Variants in RAB11FIP5 observed in about 807,000 individuals in gnomAD.
The protein encoded by RAB11FIP5 is RAB11 family interacting protein 5.
A neutral mutation model predicts 85.1 loss-of-function variants in RAB11FIP5; 48 were observed. The observed-to-expected ratio is 0.56, with a 90% CI of 0.45 to 0.72. The LOEUF (loss-of-function observed/expected upper bound fraction) is 0.72. RAB11FIP5 is among the 30% of genes least tolerant of loss of function. The pLI, the probability that RAB11FIP5 is intolerant of heterozygous loss-of-function variation, is 0.00. For missense variants in RAB11FIP5, 1,491 were observed against 1,687.0 expected, an observed-to-expected ratio of 0.88 and a Z score of 2.04; for synonymous variants, 729 against 727.3, an observed-to-expected ratio of 1.00 and a Z score of -0.04.
intron 1 of RAB11FIP5, among the ~76,000 whole-genome samples, chr2:73,091,190 T>C (rs1019635094): frequency 3.9e-5 from 6 of 152,138 alleles, no homozygotes; most frequent in Admixed American, 2.0e-4. Context: ...CGCAATGAAC[T>C]AAGACAGACA....
chr2:73,101,823 C>T (rs1684435976), intron 1 of RAB11FIP5, among the ~76,000 whole-genome samples: 10 of 152,214 alleles, frequency 6.6e-5, no homozygotes, highest in Admixed American at 6.5e-4. Context: ...CCCACCACCC[C>T]TTAAAGGCAC....
chr2:73,077,798 A>G (rs975240063), intron 4 of RAB11FIP5, among the ~76,000 whole-genome samples: 3 of 152,210 alleles, frequency 2.0e-5, no homozygotes, highest in Non-Finnish European at 4.4e-5. Context: ...TACATAAACT[A>G]TAACATAAAC....
rs923096116 is a variant in RAB11FIP5, at chr2:73,080,474, T to TCTC, written c.2755_2757dup (p.Glu919dup). 2.0e-5 allele frequency: 25 copies of TCTC among 1,230,628 alleles called. No homozygotes were observed. The highest frequency in any genetic ancestry group is 1.7e-4 in the Admixed American group (4 of 23,712). The allele number at this position is 1,230,628 out of a possible 1,614,324, so 76.2% of individuals were successfully genotyped here. On this transcript the variant is annotated inframe_insertion, in exon 4 of 6. Transcript: ENST00000486777. ...CTGTTACTCAGCCCCACTGCGGCCT[T>TCTC]CTCCTCCTCCTCCTCCTGGGATCTT...
At chr2:73,091,426 C>T (rs115491478) in intron 1 of RAB11FIP5, among the ~76,000 whole-genome samples, 1,905 of 152,146 alleles carry the variant, frequency 0.013, 27 homozygotes, top group African/African-American at 0.042. Context: ...GGCTCAAAGT[C>T]CCTTGGTGAC....
rs1683987066 is a variant in RAB11FIP5, at chr2:73,081,626, C to T, written c.1606G>A (p.Ala536Thr). The T allele has an allele frequency of 1.6e-6, 2 of 1,228,372 alleles. No homozygotes were observed. The highest frequency in any genetic ancestry group is 2.0e-6 in the Non-Finnish European group (2 of 984,540). 76.1% of individuals were successfully genotyped at this position (1,228,372 alleles called of 1,614,324 possible). ...GAGCAGGGGAGGTGGTGAGGAAGAG[C>T]AGCTGGGTCAGATTCTACCTGAGGA... ...VSPQVESDPA[A>T]LPHHLPCSPW... The change falls in exon 4 of 6, where the codon GCT becomes ACT. Residue 536 changes from alanine to threonine, a missense_variant. Physicochemically the swap from Ala to Thr is moderately conservative, Grantham distance 58. Around this residue, in one of 3 missense-constraint regions of RAB11FIP5, gnomAD observed 1,211 missense variants for 1,338.0 expected, o/e 0.91. Transcript: ENST00000486777. The surrounding 1 kb of genome is among the most constrained non-coding windows in gnomAD (Gnocchi z 4.2).
chr2:73,090,399 C>G (rs1322036376), intron 1 of RAB11FIP5, among the ~76,000 whole-genome samples: 2 of 152,222 alleles, frequency 1.3e-5, no homozygotes, highest in African/African-American at 4.8e-5. Flanking sequence ...CTTCTTGGTA[C>G]TTTGCCTACT....
In RAB11FIP5 at chr2:73,088,853, A is replaced by G. The variant is rs532749328; in HGVS notation, c.868+26T>C. On this transcript the variant is annotated intron_variant, in intron 2 of 5. Transcript: ENST00000486777. ...GGGGAGAGCCAGTGCCCCCCTCCCC[A>G]GGGCGGCGGCCCTGTGCTTGCTCAC... 1.2e-4 allele frequency: 179 copies of G among 1,543,678 alleles called. 1 individual carries two copies. The South Asian group carries it at 2.2e-3, about 19-fold the overall frequency.
rs1158216745 is a variant in RAB11FIP5 at position 73,080,860 on chromosome 2, G to A, written c.2372C>T (p.Ser791Phe). Reference sequence around the variant, plus strand: ...CTCCCACACACTGATCACTTCTGGGGAGCTAAATAGAGATGTCCCACTGTC... The same window carrying A: ...CTCCCACACACTGATCACTTCTGGGAAGCTAAATAGAGATGTCCCACTGTC... ...PADSGTSLFS[S>F]PEVISVWERL... Residue 791 changes from serine to phenylalanine, a missense_variant, in exon 4 of 6, where the codon TCC (serine) becomes TTC (phenylalanine). Around this residue, in one of 3 missense-constraint regions of RAB11FIP5, gnomAD observed 1,211 missense variants for 1,338.0 expected, o/e 0.91. Coordinates refer to ENST00000486777, the MANE Select transcript of RAB11FIP5 (RefSeq NM_001371272.1). 2.4e-6 allele frequency: 3 copies of A among 1,232,238 alleles called. No homozygotes were observed. The highest frequency in any genetic ancestry group is 6.3e-5 in the East Asian group (2 of 31,714). 76.3% of individuals were successfully genotyped at this position (1,232,238 alleles called of 1,614,324 possible). A position where few individuals can be genotyped will look rare whatever the true frequency, so the allele number is the denominator to read the frequency against.
chr2:73,101,967 A>G (rs974843544), intron 1 of RAB11FIP5, among the ~76,000 whole-genome samples: 2 of 152,222 alleles, frequency 1.3e-5, no homozygotes, highest in Non-Finnish European at 2.9e-5. Flanking sequence ...TGGAGAAGAC[A>G]GCCACATAGC....
rs1474924971 is a variant in RAB11FIP5, at chr2:73,088,534, G to A, written c.1084C>T (p.Leu362Phe). The change falls in exon 3 of 6, where the codon CTT (leucine) becomes TTT (phenylalanine). Residue 362 changes from leucine to phenylalanine, a missense_variant. Leu to Phe is a conservative substitution (Grantham distance 22, BLOSUM62 0). Around this residue, in one of 3 missense-constraint regions of RAB11FIP5, gnomAD observed 1,211 missense variants for 1,338.0 expected, o/e 0.91. Coordinates refer to ENST00000486777, the MANE Select transcript of RAB11FIP5 (RefSeq NM_001371272.1). ...GCTTGCAAGGAGCCAGAGGATGGAA[G>A]CGAGCCCGAGATGGAGCTGCGGTGC... ...VRHRSSISGS[L>F]PSSGSLQAVS... The A allele has an allele frequency of 6.2e-7, 1 of 1,613,850 alleles. No homozygotes were observed. Among genetic ancestry groups the A allele is most frequent in the Non-Finnish European group, 8.5e-7 (1 of 1,180,060 alleles).
chr2:73,083,251 A>G (rs1039438369), intron 3 of RAB11FIP5, among the ~76,000 whole-genome samples: 3 of 152,168 alleles, frequency 2.0e-5, no homozygotes, highest in African/African-American at 7.2e-5. Flanking sequence ...CAGGGCCCAA[A>G]GAGGGCAGAC....
At position 73,078,741 on chromosome 2, in the gene RAB11FIP5, C is replaced by A. The variant is rs1489267405; in HGVS notation, c.3581+910G>T. 6.6e-6 allele frequency among the ~76,000 whole-genome samples: 1 copy of A among 152,184 alleles called. No individual in the cohort carries two copies. Among genetic ancestry groups the A allele is most frequent in the Non-Finnish European group, 1.5e-5 (1 of 68,018 alleles). ...GTCGGGAGGCCAGTGCTGGAGCCTG[C>A]CCTGCTCTCCCCTCCCTTCACTCGG... is the stretch of plus-strand genomic sequence containing the variant. On this transcript the variant is annotated intron_variant, in intron 4 of 5. Coordinates refer to ENST00000486777, the MANE Select transcript of RAB11FIP5 (RefSeq NM_001371272.1). This position sits in a 1 kb window ranked among gnomAD's most constrained non-coding sequence, Gnocchi z 4.4.
chr2:73,088,892 C>G lies in RAB11FIP5; in HGVS notation c.855G>C (p.Leu285=). 1 of 1,578,334 alleles carries G rather than the reference C, an allele frequency of 6.3e-7. No homozygotes were observed. Among genetic ancestry groups the G allele is most frequent in the Non-Finnish European group, 8.6e-7 (1 of 1,162,000 alleles). ...LTRSPSRSSW[L]STEGGRDSAQ... ...GTGCTTGCTCACCCCCTTCAGTGGA[C>G]AGCCAGCTGCTACGGCTTGGTGAGC... Residue 285 remains leucine, a synonymous_variant, in exon 2 of 6, where the codon CTG becomes CTC. Coordinates refer to ENST00000486777, the MANE Select transcript of RAB11FIP5 (RefSeq NM_001371272.1).
rs746382266 is a variant in RAB11FIP5 at position 73,089,012 on chromosome 2, C to A, written c.735G>T (p.Leu245=). Residue 245 remains leucine, a synonymous_variant, in exon 2 of 6, where the codon CTG becomes CTT. Coordinates refer to ENST00000486777, the MANE Select transcript of RAB11FIP5 (RefSeq NM_001371272.1). The surrounding 1 kb of genome is among the most constrained non-coding windows in gnomAD (Gnocchi z 4.6). Reference sequence around the variant, plus strand: ...AGCCCAGCGAGGTGTTGGACTGGGTCAGGGACGACTTGCGCAGCTTGTTGC... The same window carrying A: ...AGCCCAGCGAGGTGTTGGACTGGGTAAGGGACGACTTGCGCAGCTTGTTGC... ...FLRNKLRKSS[L]TQSNTSLGSD... 4 of 1,614,224 alleles carry A rather than the reference C, an allele frequency of 2.5e-6. No homozygotes were observed. Among genetic ancestry groups the A allele is most frequent in the Non-Finnish European group, 3.4e-6 (4 of 1,180,040 alleles).
At chr2:73,095,431 G>A (rs1157395411) in intron 1 of RAB11FIP5, among the ~76,000 whole-genome samples, 1 of 152,190 alleles carries the variant, frequency 6.6e-6, no homozygotes, top group Admixed American at 6.5e-5. Context: ...CAAAGTGTAG[G>A]TGGACCTGAG....
Position 73,088,385 on chromosome 2 carries a change from T to C in RAB11FIP5, c.1233A>G (p.Lys411=). The change falls in exon 3 of 6, where the codon AAA becomes AAG. Residue 411 remains lysine (K), a synonymous_variant. Transcript: ENST00000486777. ...GGTGGCTGGCCCCAGGGGCCAGGACTTTAGCCTGAGCACTCAGCTCCTCCT... is the reference window on the plus strand; with the variant it reads ...GGTGGCTGGCCCCAGGGGCCAGGACCTTAGCCTGAGCACTCAGCTCCTCCT... The part of the protein sequence containing the change: ...LGQEELSAQA[K]VLAPGASHPG... 6.2e-7 allele frequency: 1 copy of C among 1,613,708 alleles called. No homozygotes were observed. The highest frequency in any genetic ancestry group is 8.5e-7 in the Non-Finnish European group (1 of 1,179,970).
chr2:73,098,627 A>G (rs1055469106), intron 1 of RAB11FIP5, among the ~76,000 whole-genome samples: 2 of 152,024 alleles, frequency 1.3e-5, no homozygotes, highest in African/African-American at 4.8e-5. Context: ...CCACTATACT[A>G]TGCTGCCTCC....
chr2:73,094,763 C>T (rs1684285360), intron 1 of RAB11FIP5, among the ~76,000 whole-genome samples: 1 of 152,174 alleles, frequency 6.6e-6, no homozygotes, highest in South Asian at 2.1e-4. Context: ...GTAAGGCTTG[C>T]CTTCCCAAGT....
intron 1 of RAB11FIP5, among the ~76,000 whole-genome samples, chr2:73,099,589 C>T (rs1273598485): frequency 6.6e-6 from 1 of 152,188 alleles, no homozygotes; most frequent in Non-Finnish European, 1.5e-5. Context: ...AGAAGCTGGC[C>T]GAAGGCCCTC....
Sources: allele counts gnomAD v4.1 joint callset (sites outside exome capture counted in the v4.1 genomes callset), GRCh38; gene constraint gnomAD v4.1.1; regional missense constraint gnomAD v4.1.1; non-coding constraint Gnocchi (gnomAD v3.1); transcripts MANE v1.5; gene names NCBI Gene and HGNC (gene_info 2026-07-23, HGNC 2026-07-21).